Variants in BCL11A observed in about 807,000 individuals in gnomAD.
The protein encoded by BCL11A is B cell CLL/lymphoma 11A.
Under a neutral mutation model 55.9 loss-of-function variants are expected in BCL11A, and 2 were observed. The observed-to-expected ratio is 0.04, with a 90% confidence interval of 0.01 to 0.11. The LOEUF (loss-of-function observed/expected upper bound fraction) is 0.11, where lower values mean the gene tolerates loss of function less well. Among genes scored for constraint, BCL11A ranks in the 10% least tolerant of loss-of-function variants. The pLI is 1.00. For synonymous variants in BCL11A, 465 were observed against 473.4 expected (o/e 0.98, Z 0.23); for missense variants, 817 against 1,137.1 (o/e 0.72, Z 4.05).
chr2:60,502,120 A>G (rs1320282358), intron 2 of BCL11A, among the ~76,000 whole-genome samples: 1 of 152,208 alleles, frequency 6.6e-6, no homozygotes, highest in East Asian at 1.9e-4. Flanking sequence ...AGAGGTTTGC[A>G]TGTTGTAACA....
At chr2:60,504,014 A>G (rs1460097095) in intron 2 of BCL11A, among the ~76,000 whole-genome samples, 2 of 152,192 alleles carry the variant, frequency 1.3e-5, no homozygotes, top group African/African-American at 2.4e-5. Context: ...CCAAAACCCC[A>G]TCTGCTAGAA....
At chr2:60,534,268 A>G (rs1341749604) in intron 2 of BCL11A, 1 of 152,314 alleles carries the variant, frequency 6.6e-6, no homozygotes, top group African/African-American at 2.4e-5. Context: ...TGTAGCTCAG[A>G]GCAGCAGCTG....
intron 1 of BCL11A, among the ~76,000 whole-genome samples, chr2:60,549,462 CGGG>C (rs1271853723): frequency 6.6e-6 from 1 of 152,174 alleles, no homozygotes; most frequent in Non-Finnish European, 1.5e-5. Flanking sequence ...AAAGCAAAGC[CGGG>C]GGCTACAGGC....
intron 2 of BCL11A, among the ~76,000 whole-genome samples, chr2:60,481,407 C>T (rs553165280): frequency 2.6e-5 from 4 of 152,304 alleles, no homozygotes; most frequent in African/African-American, 7.2e-5. Context: ...CCAGGCCCTT[C>T]GCACCTCTGC....
downstream of BCL11A, among the ~76,000 whole-genome samples, chr2:60,456,678 C>T (rs1208173502): frequency 3.3e-5 from 5 of 152,024 alleles, no homozygotes; most frequent in East Asian, 9.6e-4. Context: ...GCCTTTGTTT[C>T]CAGATTTTTA....
chr2:60,544,778 G>A (rs1268017555), intron 2 of BCL11A: 1 of 152,220 alleles, frequency 6.6e-6, no homozygotes, highest in African/African-American at 2.4e-5. Context: ...GTAGATGGAA[G>A]AAAGCGATCC....
Position 60,459,776 on chromosome 2 carries a change from T to C in BCL11A, c.*628A>G, listed in dbSNP as rs1370140770. ...TTTTCTTCCTTTCCAATTGATACAT[T>C]TAACCCTTTAGAGACAGACATTTAG... is the stretch of plus-strand genomic sequence containing the variant. On this transcript the variant is annotated 3_prime_UTR_variant, in exon 4 of 4. Transcript: ENST00000642384. 4 of 1,042,014 alleles carry C rather than the reference T, an allele frequency of 3.8e-6. No homozygotes were observed. In the African/African-American group the frequency reaches 6.7e-5, roughly 17 times the overall value. 64.5% of individuals were successfully genotyped at this position (1,042,014 alleles called of 1,614,324 possible). A position where few individuals can be genotyped will look rare whatever the true frequency, so the allele number is the denominator to read the frequency against.
Position 60,458,182 on chromosome 2 carries a change from G to C in BCL11A, c.*2222C>G. ...TACCATTCTAGAAATACAGAAAAAA[G>C]ACCATAAATGTATTTTAGCATAGGA... On this transcript the variant is annotated 3_prime_UTR_variant, in exon 4 of 4. Coordinates refer to ENST00000642384, the MANE Select transcript of BCL11A (RefSeq NM_022893.4). 9.8e-7 allele frequency: 1 copy of C among 1,023,352 alleles called. No homozygotes were observed. Among genetic ancestry groups the C allele is most frequent in the South Asian group, 4.7e-5 (1 of 21,480 alleles). The allele number at this position is 1,023,352 out of a possible 1,614,324, so 63.4% of individuals were successfully genotyped here. A position where few individuals can be genotyped will look rare whatever the true frequency, so the allele number is the denominator to read the frequency against.
At chr2:60,454,038 G>C (rs1442129905), downstream of BCL11A, among the ~76,000 whole-genome samples, 1 of 152,104 alleles carries the variant, frequency 6.6e-6, no homozygotes, top group African/African-American at 2.4e-5. Flanking sequence ...GAAATAGAGA[G>C]AGAGAAAGAG....
chr2:60,458,026 A>G lies in BCL11A; in HGVS notation c.*2378T>C, dbSNP rs1676028496. ...CCAAATTAAAAAAATATACTGTGGC[A>G]GCCTGTCTTTTTTTTTTCCACTACC... On this transcript the variant is annotated 3_prime_UTR_variant, in exon 4 of 4. Coordinates refer to ENST00000642384, the MANE Select transcript of BCL11A (RefSeq NM_022893.4). 1 of 1,034,198 alleles carries G rather than the reference A, an allele frequency of 9.7e-7. No homozygotes were observed. The highest frequency in any genetic ancestry group is 1.2e-6 in the Non-Finnish European group (1 of 859,438). 64.1% of individuals were successfully genotyped at this position (1,034,198 alleles called of 1,614,324 possible).
At position 60,459,950 on chromosome 2, in the gene BCL11A, T is replaced by C. The variant is rs181979594; in HGVS notation, c.*454A>G. The C allele has an allele frequency of 2.7e-4, 290 of 1,063,412 alleles. 4 individuals are homozygous for C. The East Asian group carries it at 0.014, about 52-fold the overall frequency. 65.9% of individuals were successfully genotyped at this position (1,063,412 alleles called of 1,614,324 possible). ...ATGGTCTTTTTCTCTCTCTCTCTCT[T>C]TTTCTCTCAGAACGGAACTGGAAAC... is the stretch of plus-strand genomic sequence containing the variant. On this transcript the variant is annotated 3_prime_UTR_variant, in exon 4 of 4. Transcript: ENST00000642384.
chr2:60,487,030 G>A (rs1324969502), intron 2 of BCL11A, among the ~76,000 whole-genome samples: 1 of 152,248 alleles, frequency 6.6e-6, no homozygotes, highest in African/African-American at 2.4e-5. Flanking sequence ...TAAGTCTAAC[G>A]TTGCTATTCA....
intron 2 of BCL11A, chr2:60,542,013 A>C: frequency 1.5e-6 from 1 of 654,340 alleles, no homozygotes. Flanking sequence ...TTTACTTTTA[A>C]GAGCATGCTA....
Position 60,462,217 on chromosome 2 carries a change from A to G in BCL11A, c.695T>C (p.Ile232Thr). 6.2e-7 allele frequency: 1 copy of G among 1,612,710 alleles called. No homozygotes were observed. Among genetic ancestry groups the G allele is most frequent in the Non-Finnish European group, 8.5e-7 (1 of 1,179,276 alleles). The change falls in exon 4 of 4, where the codon ATT (isoleucine) becomes ACT (threonine). Residue 232 changes from isoleucine (I) to threonine (T), a missense_variant. Coordinates refer to ENST00000642384, the MANE Select transcript of BCL11A (RefSeq NM_022893.4). ...PSQPPLHGIH[I>T]ADNNPFNLLR... Reference sequence around the variant, plus strand: ...CAGGTTAAAGGGGTTATTGTCTGCAATATGAATCCCATGGAGAGGTGGCTG... The same window carrying G: ...CAGGTTAAAGGGGTTATTGTCTGCAGTATGAATCCCATGGAGAGGTGGCTG...
chr2:60,479,954 T>C (rs1316992498), intron 2 of BCL11A, among the ~76,000 whole-genome samples: 2 of 152,212 alleles, frequency 1.3e-5, no homozygotes, highest in African/African-American at 4.8e-5. Flanking sequence ...AGTTGACAGG[T>C]TGGGACAACT....
At chr2:60,468,298 G>T (rs1450106254) in intron 3 of BCL11A, among the ~76,000 whole-genome samples, 1 of 152,168 alleles carries the variant, frequency 6.6e-6, no homozygotes, top group African/African-American at 2.4e-5. Flanking sequence ...TAAGGAATAT[G>T]CATTGGAATA....
chr2:60,496,392 T>A (rs900520035), intron 2 of BCL11A, among the ~76,000 whole-genome samples: 6 of 152,130 alleles, frequency 3.9e-5, no homozygotes, highest in Non-Finnish European at 2.9e-5. Flanking sequence ...GTGAAACCAT[T>A]TCCCAGGCAG....
At chr2:60,532,060 A>T (rs1468629098) in intron 2 of BCL11A, among the ~76,000 whole-genome samples, 1 of 152,006 alleles carries the variant, frequency 6.6e-6, no homozygotes, top group African/African-American at 2.4e-5. Flanking sequence ...GCCTCACCCC[A>T]GCACTCCCTG....
At chr2:60,517,974 G>C (rs565727465) in intron 2 of BCL11A, among the ~76,000 whole-genome samples, 67 of 147,034 alleles carry the variant, frequency 4.6e-4, no homozygotes, top group Non-Finnish European at 8.4e-4. Flanking sequence ...GGGGAGGAGA[G>C]AAAATTTTTA....
Sources: gnomAD v4.1 joint callset for allele counts (sites outside exome capture counted in the v4.1 genomes callset) on GRCh38, gnomAD v4.1.1 for gene constraint, MANE v1.5 for transcripts, NCBI Gene and HGNC (gene_info 2026-07-23, HGNC 2026-07-21) for gene names.